The following RANBP2 variants were observed in gnomAD, a reference collection of about 807,000 sequenced individuals.
RANBP2 encodes E3 SUMO-protein ligase RanBP2.
In RANBP2, 57 loss-of-function variants were observed where a neutral mutation model predicts 303.6. The observed-to-expected ratio is 0.19, with a 90% CI of 0.15 to 0.23. The LOEUF (loss-of-function observed/expected upper bound fraction) is 0.23. Ranked by LOEUF, RANBP2 falls within the 10% of genes least tolerant of loss-of-function variation. The pLI is 1.00. For missense variants in RANBP2, 3,138 were observed against 3,780.8 expected (o/e 0.83, Z 4.46); for synonymous variants, 1,167 against 1,301.5 (o/e 0.90, Z 2.23).
chr2:109,236,425 T>C, the RANBP2 span, among the ~76,000 whole-genome samples: 45,560 of 152,006 alleles, frequency 0.3, 7,714 homozygotes, highest in Non-Finnish European at 0.39. Context: ...CCATTCTCTT[T>C]CTCCTCAAAC....
chr2:109,233,128 A>T, the RANBP2 span, among the ~76,000 whole-genome samples: 2 of 152,290 alleles, frequency 1.3e-5, no homozygotes, highest in Admixed American at 6.5e-5. Flanking sequence ...CTCCTTTAGC[A>T]GTTGCTGTCC....
At chr2:108,854,037 A>T in the RANBP2 span, among the ~76,000 whole-genome samples, 87 of 69,312 alleles carry the variant, frequency 1.3e-3, no homozygotes, top group South Asian at 3.8e-3. Flanking sequence ...TATTATATAT[A>T]ATATATAATA....
chr2:109,186,666 G>A, the RANBP2 span, among the ~76,000 whole-genome samples: 6 of 152,166 alleles, frequency 3.9e-5, no homozygotes, highest in Non-Finnish European at 5.9e-5. Context: ...AAGACCCTGC[G>A]GGAAATGCAT....
At chr2:109,317,191 G>A in the RANBP2 span, among the ~76,000 whole-genome samples, 1 of 108,406 alleles carries the variant, frequency 9.2e-6, no homozygotes, top group Non-Finnish European at 1.8e-5. Flanking sequence ...TTTTCATGGT[G>A]TTGGGGTTTT....
the RANBP2 span, among the ~76,000 whole-genome samples, chr2:109,166,459 G>GAAAAAAAAAAAA: frequency 4.5e-5 from 6 of 134,282 alleles, no homozygotes; most frequent in Non-Finnish European, 9.4e-5. Flanking sequence ...CCTGGTGACA[G>GAAAAAAAAAAAA]AAAAAAAAAA....
At chr2:109,629,546 C>T in the RANBP2 span, among the ~76,000 whole-genome samples, 3 of 151,598 alleles carry the variant, frequency 2.0e-5, no homozygotes, top group African/African-American at 7.3e-5. Flanking sequence ...GGCACAATGG[C>T]TCACACCTGT....
chr2:109,135,801 C>CT, the RANBP2 span, among the ~76,000 whole-genome samples: 2 of 152,106 alleles, frequency 1.3e-5, no homozygotes, highest in Non-Finnish European at 2.9e-5. Flanking sequence ...TGTTGGTTTC[C>CT]TTTTTAAATT....
the RANBP2 span, among the ~76,000 whole-genome samples, chr2:109,660,780 ACTC>A: frequency 1.8e-4 from 27 of 151,756 alleles, no homozygotes; most frequent in Non-Finnish European, 1.6e-4. Context: ...AATAACTTCA[ACTC>A]CTCCTAACAG....
At chr2:109,471,848 T>A in the RANBP2 span, among the ~76,000 whole-genome samples, 10 of 152,174 alleles carry the variant, frequency 6.6e-5, no homozygotes, top group Non-Finnish European at 1.3e-4. Context: ...TTTTCCACAC[T>A]CTATTTGCTG....
At chr2:109,680,895 C>T in the RANBP2 span, among the ~76,000 whole-genome samples, 1 of 152,358 alleles carries the variant, frequency 6.6e-6, no homozygotes, top group East Asian at 1.9e-4. Flanking sequence ...ATAAATTCCA[C>T]TTTGTCAAAC....
chr2:109,368,089 T>A, the RANBP2 span, among the ~76,000 whole-genome samples: 4 of 152,230 alleles, frequency 2.6e-5, no homozygotes, highest in African/African-American at 7.2e-5. Context: ...TGGAAATTTG[T>A]TTTTCTTCTT....
the RANBP2 span, among the ~76,000 whole-genome samples, chr2:109,541,916 C>G: frequency 6.6e-6 from 1 of 152,186 alleles, no homozygotes. Context: ...CCAATAGGAA[C>G]ACGGGGCTTA....
chr2:109,648,727 C>T, the RANBP2 span, among the ~76,000 whole-genome samples: 1 of 150,346 alleles, frequency 6.7e-6, no homozygotes, highest in Non-Finnish European at 1.5e-5. Context: ...GATCTTGGCT[C>T]ACATCAACCC....
chr2:108,949,380 TTG>T, the RANBP2 span, among the ~76,000 whole-genome samples: 2 of 152,206 alleles, frequency 1.3e-5, no homozygotes, highest in Non-Finnish European at 2.9e-5. Flanking sequence ...TCTGATAATT[TTG>T]CTTTTCAGTC....
the RANBP2 span, among the ~76,000 whole-genome samples, chr2:109,563,812 TTTTAG>T: frequency 6.6e-6 from 1 of 152,172 alleles, no homozygotes; most frequent in African/African-American, 2.4e-5. Flanking sequence ...ACAGAAAATG[TTTTAG>T]TTTATTTTAA....
the RANBP2 span, among the ~76,000 whole-genome samples, chr2:108,841,693 A>G: frequency 1.3e-5 from 2 of 152,068 alleles, no homozygotes; most frequent in African/African-American, 4.8e-5. Context: ...AACTTTGTCA[A>G]GCTCTGTTTT....
chr2:109,614,388 G>T, the RANBP2 span: 34 of 940,544 alleles, frequency 3.6e-5, no homozygotes, highest in Non-Finnish European at 4.5e-5. Context: ...GCAGCCCGCT[G>T]AGCCCGCCAG....
chr2:109,453,421 T>C, the RANBP2 span, among the ~76,000 whole-genome samples: 1 of 152,224 alleles, frequency 6.6e-6, no homozygotes, highest in African/African-American at 2.4e-5. Context: ...ACACTGCCTA[T>C]TGTGTCCATC....
rs1302808226 is a variant in RANBP2, at chr2:108,784,470, C to T, written c.*569C>T. 3 of 152,684 alleles carry T rather than the reference C, an allele frequency of 2.0e-5. No individual in the cohort carries two copies. Among genetic ancestry groups the T allele is most frequent in the African/African-American group, 7.2e-5 (3 of 41,438 alleles). 9.5% of individuals were successfully genotyped at this position (152,684 alleles called of 1,614,324 possible). ...GGTTACAAGTTAACTTTGTAAGTAG[C>T]GTACCTTCCTTCCTTAAAATATCTA... is the stretch of plus-strand genomic sequence containing the variant. On this transcript the variant is annotated 3_prime_UTR_variant, in exon 29 of 29. Coordinates refer to ENST00000283195, the MANE Select transcript of RANBP2 (RefSeq NM_006267.5).
Sources: gnomAD v4.1 joint callset for allele counts (sites outside exome capture counted in the v4.1 genomes callset) on GRCh38, gnomAD v4.1.1 for gene constraint, MANE v1.5 for transcripts, NCBI Gene and HGNC (gene_info 2026-07-23, HGNC 2026-07-21) for gene names.